The following CSRNP3 variants were observed in gnomAD, a reference collection of about 807,000 sequenced individuals.
The protein encoded by CSRNP3 is cysteine/serine-rich nuclear protein 3.
A neutral mutation model predicts 48.0 loss-of-function variants in CSRNP3; 12 were observed. The ratio of observed to expected loss-of-function variants is 0.25; its 90% CI spans 0.16 to 0.41. The LOEUF is 0.41. CSRNP3 is among the 10% of genes least tolerant of loss of function. The pLI, the probability that CSRNP3 is intolerant of heterozygous loss-of-function variation, is 1.00. For synonymous variants in CSRNP3, 263 were observed against 269.7 expected (o/e 0.98, Z 0.24); for missense variants, 580 against 724.4 (o/e 0.80, Z 2.29).
intron 5 of CSRNP3, among the ~76,000 whole-genome samples, chr2:165,667,129 AAGAAAGAG>A (rs1400453434): frequency 6.6e-6 from 1 of 151,348 alleles, no homozygotes; most frequent in African/African-American, 2.4e-5. Flanking sequence ...GAGAGAAAGA[AAGAAAGAG>A]AGAGAGAAAA....
intron 4 of CSRNP3, among the ~76,000 whole-genome samples, chr2:165,632,687 T>C (rs1188028074): frequency 6.6e-6 from 1 of 152,188 alleles, no homozygotes; most frequent in Non-Finnish European, 1.5e-5. Context: ...TTTTGATTCA[T>C]AAAAAGGAAC....
At chr2:165,542,244 T>G (rs1684967502) in intron 3 of CSRNP3, among the ~76,000 whole-genome samples, 1 of 152,112 alleles carries the variant, frequency 6.6e-6, no homozygotes, top group African/African-American at 2.4e-5. Flanking sequence ...ATGGAGAAAG[T>G]CAAAAGCTTG....
intron 5 of CSRNP3, among the ~76,000 whole-genome samples, chr2:165,667,112 A>G (rs1255143748): frequency 3.5e-5 from 5 of 143,036 alleles, no homozygotes; most frequent in East Asian, 2.1e-4. Flanking sequence ...GGAAGGAAGG[A>G]AGGAAAGAGA....
chr2:165,613,759 T>C (rs1010132519), intron 4 of CSRNP3, among the ~76,000 whole-genome samples: 2 of 152,226 alleles, frequency 1.3e-5, no homozygotes, highest in Non-Finnish European at 2.9e-5. Context: ...GTGGTCTATG[T>C]GTGTGTTTTG....
chr2:165,673,462 T>C (rs1687365412), intron 5 of CSRNP3, among the ~76,000 whole-genome samples: 1 of 152,114 alleles, frequency 6.6e-6, no homozygotes, highest in Non-Finnish European at 1.5e-5. Context: ...ATTTTTATTT[T>C]GAAATGAAAT....
intron 5 of CSRNP3, among the ~76,000 whole-genome samples, chr2:165,668,605 T>C (rs1336396067): frequency 1.3e-5 from 2 of 152,046 alleles, no homozygotes; most frequent in East Asian, 1.9e-4. Context: ...TTTCACCATG[T>C]TGGCCAGTCT....
intron 2 of CSRNP3, among the ~76,000 whole-genome samples, chr2:165,497,340 C>T (rs1447369138): frequency 6.6e-6 from 1 of 151,932 alleles, no homozygotes; most frequent in East Asian, 1.9e-4. Flanking sequence ...TGTTGATACT[C>T]CTCTGGAAGG....
intron 3 of CSRNP3, among the ~76,000 whole-genome samples, chr2:165,541,540 G>A (rs2105252699): frequency 6.6e-6 from 1 of 152,118 alleles, no homozygotes; most frequent in East Asian, 1.9e-4. Context: ...TATAGCACAG[G>A]TTCTTCTCTC....
intron 4 of CSRNP3, among the ~76,000 whole-genome samples, chr2:165,625,858 G>A (rs1360601172): frequency 2.1e-4 from 30 of 141,348 alleles, no homozygotes; most frequent in Admixed American, 1.4e-4. Context: ...GCGTGAACTC[G>A]GGGCAGAGGT....
intron 3 of CSRNP3, among the ~76,000 whole-genome samples, chr2:165,580,153 C>T (rs763710792): frequency 4.0e-4 from 61 of 151,994 alleles, no homozygotes; most frequent in Non-Finnish European, 7.5e-4. Context: ...TGGTCTCGAT[C>T]TCCTGACCTC....
chr2:165,493,207 TAA>T (rs368855110), intron 1 of CSRNP3, among the ~76,000 whole-genome samples: 1 of 144,992 alleles, frequency 6.9e-6, no homozygotes, highest in East Asian at 2.0e-4. Context: ...GCTACTTTAT[TAA>T]AAAAAAAAAA....
chr2:165,500,072 C>T (rs1684336328), intron 2 of CSRNP3, among the ~76,000 whole-genome samples: 1 of 149,282 alleles, frequency 6.7e-6, no homozygotes, highest in African/African-American at 2.5e-5. Flanking sequence ...AAGAAAACAC[C>T]AAAAACTCAA....
rs150408374 is a variant in CSRNP3 at position 165,556,557 on chromosome 2, A to T, written c.-23-38486A>T. Among the ~76,000 whole-genome samples the T allele has an allele frequency of 4.1e-3, 627 of 152,272 alleles. 17 individuals carry two copies. The highest frequency in any genetic ancestry group is 0.029 in the East Asian group (148 of 5,170). On this transcript the variant is annotated intron_variant, in intron 3 of 6. Transcript: ENST00000651982. ...AGGAGAGAAGGTTGGATGAAGAGGGACCTGCATGGCAACCAAGAATCAAAA... is the reference window on the plus strand; with the variant it reads ...AGGAGAGAAGGTTGGATGAAGAGGGTCCTGCATGGCAACCAAGAATCAAAA...
At chr2:165,607,742 G>C (rs1315966752) in intron 4 of CSRNP3, among the ~76,000 whole-genome samples, 1 of 152,110 alleles carries the variant, frequency 6.6e-6, no homozygotes, top group Non-Finnish European at 1.5e-5. Context: ...AGTTGAACTT[G>C]TGAGAATGGA....
At chr2:165,532,394 G>T (rs7423330) in intron 3 of CSRNP3, among the ~76,000 whole-genome samples, 109,222 of 150,092 alleles carry the variant, frequency 0.73, 40,349 homozygotes, top group African/African-American at 0.86. Context: ...GGGATGCAAG[G>T]CTGGTTCAAC....
At chr2:165,596,129 T>C (rs1385917270) in intron 4 of CSRNP3, among the ~76,000 whole-genome samples, 1 of 140,382 alleles carries the variant, frequency 7.1e-6, no homozygotes, top group Non-Finnish European at 1.5e-5. Context: ...CTATGTTTTC[T>C]TTTTGATTTT....
chr2:165,614,437 G>T (rs1388094920), intron 4 of CSRNP3, among the ~76,000 whole-genome samples: 1 of 152,064 alleles, frequency 6.6e-6, no homozygotes, highest in Non-Finnish European at 1.5e-5. Context: ...TTGCCCAATT[G>T]CTATGATCAA....
intron 4 of CSRNP3, among the ~76,000 whole-genome samples, chr2:165,624,712 T>C (rs1316279617): frequency 1.3e-5 from 2 of 152,140 alleles, no homozygotes; most frequent in Non-Finnish European, 2.9e-5. Flanking sequence ...CACCCTTACT[T>C]CCCCTGCCTC....
At chr2:165,665,727 T>C (rs1687169499) in intron 5 of CSRNP3, among the ~76,000 whole-genome samples, 1 of 149,934 alleles carries the variant, frequency 6.7e-6, no homozygotes, top group Non-Finnish European at 1.5e-5. Flanking sequence ...GCCATTGTAC[T>C]GTAGCCTGGG....
Sources: gnomAD v4.1 joint callset for allele counts (sites outside exome capture counted in the v4.1 genomes callset) on GRCh38, gnomAD v4.1.1 for gene constraint, MANE v1.5 for transcripts, NCBI Gene and HGNC (gene_info 2026-07-23, HGNC 2026-07-21) for gene names.